The following CPNE8 variants were observed in gnomAD, a reference collection of about 807,000 sequenced individuals.
CPNE8 encodes the protein copine 8.
A neutral mutation model predicts 81.5 loss-of-function variants in CPNE8; 45 were observed. The observed-to-expected ratio is 0.55, with a 90% CI of 0.44 to 0.71. The LOEUF is 0.71. Ranked by LOEUF, CPNE8 falls within the 30% of genes least tolerant of loss-of-function variation. The probability of loss-of-function intolerance (pLI) is 0.00; values close to 1 mark genes in which losing one functional copy is unlikely to be tolerated. For synonymous variants in CPNE8, 252 were observed against 226.3 expected (o/e 1.11, Z -1.02); for missense variants, 594 against 672.1 (o/e 0.88, Z 1.28).
At chr12:38,864,423 G>GA in intron 3 of CPNE8, among the ~76,000 whole-genome samples, 1 of 151,412 alleles carries the variant, frequency 6.6e-6, no homozygotes, top group South Asian at 2.1e-4. Flanking sequence ...ACCCTTTACA[G>GA]AAAAAAGTTT....
intron 19 of CPNE8, among the ~76,000 whole-genome samples, chr12:38,668,743 C>G (rs547780130): frequency 6.6e-6 from 1 of 152,088 alleles, no homozygotes; most frequent in Admixed American, 6.6e-5. Flanking sequence ...AATCATGTGT[C>G]TAATTATGAA....
intron 10 of CPNE8, among the ~76,000 whole-genome samples, chr12:38,743,948 A>G (rs1843641): frequency 0.81 from 122,671 of 152,144 alleles, 52,431 homozygotes; most frequent in Middle Eastern, 0.97. Context: ...TGCCAGATGA[A>G]CAACTATAAA....
chr12:38,868,516 C>G (rs1231165935), intron 3 of CPNE8, among the ~76,000 whole-genome samples: 1 of 152,034 alleles, frequency 6.6e-6, no homozygotes, highest in Non-Finnish European at 1.5e-5. Context: ...CATAAGAATT[C>G]ACAAACTTGT....
chr12:38,670,363 A>G (rs149328877), intron 19 of CPNE8, among the ~76,000 whole-genome samples: 1,985 of 152,248 alleles, frequency 0.013, 30 homozygotes, highest in South Asian at 0.044. Flanking sequence ...ACTACATTTA[A>G]TTACTGGTTG....
chr12:38,731,683 G>T lies in CPNE8; in HGVS notation c.723-1325C>A, dbSNP rs118142295. 3.3e-5 allele frequency among the ~76,000 whole-genome samples: 5 copies of T among 151,938 alleles called. No individual in the cohort carries two copies. In the East Asian group the frequency reaches 9.7e-4, roughly 29 times the overall value. ...AATATGAATATGTTAATAGCAAAAA[G>T]AATTGTAGGCTCTGATATATTCCTA... is the stretch of plus-strand genomic sequence containing the variant. On this transcript the variant is annotated intron_variant, in intron 10 of 19. Coordinates refer to ENST00000331366, the MANE Select transcript of CPNE8 (RefSeq NM_153634.3).
At position 38,760,766 on chromosome 12, in the gene CPNE8, A is replaced by G. The variant is rs1346252653; in HGVS notation, c.722+81T>C. ...ACAAATATGCCATCTAAAAATTACA[A>G]TTTAAAAATGTGGTCATTTCAATGT... On this transcript the variant is annotated intron_variant, in intron 10 of 19. Transcript: ENST00000331366. 34 of 1,095,294 alleles carry G rather than the reference A, an allele frequency of 3.1e-5. No individual in the cohort carries two copies. The South Asian group carries it at 3.8e-4, about 12-fold the overall frequency. The allele number at this position is 1,095,294 out of a possible 1,614,324, so 67.8% of individuals were successfully genotyped here.
chr12:38,767,576 A>G (rs1291023685), intron 8 of CPNE8, 59 bp downstream of exon 8: 1 of 1,014,402 alleles, frequency 9.9e-7, no homozygotes, highest in African/African-American at 1.7e-5. Flanking sequence ...TGAGAAAAAT[A>G]ATTATAATTC....
chr12:38,744,290 G>A (rs190341109), intron 10 of CPNE8, among the ~76,000 whole-genome samples: 3 of 152,224 alleles, frequency 2.0e-5, no homozygotes, highest in East Asian at 1.9e-4. Flanking sequence ...AGGTAATCAC[G>A]AATTCCAGTA....
chr12:38,895,487 C>A (rs985603753), intron 1 of CPNE8, among the ~76,000 whole-genome samples: 1 of 152,062 alleles, frequency 6.6e-6, no homozygotes, highest in African/African-American at 2.4e-5. Context: ...TGATTTCTAG[C>A]TAAATAGTCT....
chr12:38,693,137 T>C (rs948222953), intron 15 of CPNE8, among the ~76,000 whole-genome samples: 9 of 152,170 alleles, frequency 5.9e-5, no homozygotes, highest in African/African-American at 2.2e-4. Flanking sequence ...AAAGAAGTTA[T>C]GTTAGGAGAC....
Position 38,677,443 on chromosome 12 carries a change from C to T in CPNE8, c.1374+9G>A. 2.7e-6 allele frequency: 4 copies of T among 1,499,306 alleles called. No homozygotes were observed. The highest frequency in any genetic ancestry group is 3.7e-6 in the Non-Finnish European group (4 of 1,076,088). The allele number at this position is 1,499,306 out of a possible 1,614,324, so 92.9% of individuals were successfully genotyped here. ...GTAGCGAGCCCAATACGGAGTGACC[C>T]CCACTTACATTAACTATGGACTCCT... On this transcript the variant is annotated intron_variant, in intron 17 of 19. Transcript: ENST00000331366.
intron 1 of CPNE8, among the ~76,000 whole-genome samples, chr12:38,902,376 G>GAAAGAAAGAAAAGA (rs1555172166): frequency 2.5e-5 from 2 of 80,302 alleles, no homozygotes; most frequent in Non-Finnish European, 4.7e-5. Flanking sequence ...AAGAAAGAAA[G>GAAAGAAAGAAAAGA]AAAGAAAAGA....
chr12:38,860,926 AGCATGGT>A (rs1179106796), intron 3 of CPNE8, among the ~76,000 whole-genome samples: 1 of 152,212 alleles, frequency 6.6e-6, no homozygotes, highest in African/African-American at 2.4e-5. Context: ...TCTGCTGTAC[AGCATGGT>A]GCCTATGGTT....
intron 1 of CPNE8, among the ~76,000 whole-genome samples, chr12:38,889,341 C>A (rs563352901): frequency 6.6e-6 from 1 of 152,174 alleles, no homozygotes; most frequent in Non-Finnish European, 1.5e-5. Context: ...ATGAGTGATG[C>A]TTGAACTATC....
chr12:38,661,090 C>T (rs1246454138), intron 19 of CPNE8, among the ~76,000 whole-genome samples: 1 of 152,202 alleles, frequency 6.6e-6, no homozygotes, highest in Non-Finnish European at 1.5e-5. Flanking sequence ...CCATTTGACC[C>T]AGCCATCCCA....
intron 11 of CPNE8, among the ~76,000 whole-genome samples, chr12:38,728,718 C>T (rs1426855286): frequency 2.0e-5 from 3 of 152,020 alleles, no homozygotes; most frequent in Non-Finnish European, 2.9e-5. Context: ...GAACTAATGG[C>T]TGGAAATTTT....
At chr12:38,756,037 C>G (rs1941451538) in intron 10 of CPNE8, among the ~76,000 whole-genome samples, 1 of 11,602 alleles carries the variant, frequency 8.6e-5, no homozygotes, top group African/African-American at 1.1e-4. Context: ...GAGACTCCGT[C>G]TCAAAAAAAA....
At chr12:38,812,735 C>T (rs952623343) in intron 6 of CPNE8, among the ~76,000 whole-genome samples, 19 of 152,280 alleles carry the variant, frequency 1.2e-4, no homozygotes, top group Admixed American at 9.2e-4. Flanking sequence ...TATTAAAAAG[C>T]GTTTATGGAA....
At chr12:38,831,758 C>A (rs1000870082) in intron 5 of CPNE8, among the ~76,000 whole-genome samples, 1 of 152,060 alleles carries the variant, frequency 6.6e-6, no homozygotes, top group East Asian at 1.9e-4. Flanking sequence ...CTCATGACAG[C>A]TAGAAAGAAC....
Sources: allele counts gnomAD v4.1 joint callset (sites outside exome capture counted in the v4.1 genomes callset), GRCh38; gene constraint gnomAD v4.1.1; transcripts MANE v1.5; gene names NCBI Gene and HGNC (gene_info 2026-07-23, HGNC 2026-07-21).